The following DRC11 variants were observed in gnomAD, a reference collection of about 807,000 sequenced individuals.
The protein encoded by DRC11 is dynein regulatory complex subunit 11.
At chr2:236,399,423 G>A in the DRC11 span, 1,782 of 1,613,708 alleles carry the variant, frequency 1.1e-3, 14 homozygotes, top group African/African-American at 0.02. The surrounding 1 kb of genome is among the most constrained non-coding windows in gnomAD (Gnocchi z 7.0). Context: ...CTTTGTATGC[G>A]TTACATCCTT....
chr2:236,449,459 G>A, the DRC11 span, among the ~76,000 whole-genome samples: 10 of 152,200 alleles, frequency 6.6e-5, no homozygotes, highest in South Asian at 2.1e-4. The surrounding 1 kb of genome is among the most constrained non-coding windows in gnomAD (Gnocchi z 5.1). Flanking sequence ...GACTCAGGCC[G>A]TGTTGCTGCC....
At chr2:236,458,719 T>G in the DRC11 span, among the ~76,000 whole-genome samples, 4 of 152,030 alleles carry the variant, frequency 2.6e-5, no homozygotes, top group East Asian at 7.7e-4. Flanking sequence ...GTTGCTTTCT[T>G]TCTCTCTCTT....
chr2:236,428,617 T>C, the DRC11 span, among the ~76,000 whole-genome samples: 1 of 152,180 alleles, frequency 6.6e-6, no homozygotes, highest in Non-Finnish European at 1.5e-5. Context: ...CTTCATTCTA[T>C]ATGTGTCCTT....
the DRC11 span, among the ~76,000 whole-genome samples, chr2:236,399,856 C>G: frequency 6.6e-6 from 1 of 152,140 alleles, no homozygotes; most frequent in Admixed American, 6.5e-5. This position sits in a 1 kb window ranked among gnomAD's most constrained non-coding sequence, Gnocchi z 7.0. Context: ...GCTGGGACTG[C>G]AGGTGTGCAC....
chr2:236,458,811 C>T, the DRC11 span, among the ~76,000 whole-genome samples: 8 of 152,020 alleles, frequency 5.3e-5, no homozygotes, highest in African/African-American at 1.4e-4. Context: ...TTTGGGAGGC[C>T]GAGGCAGATG....
the DRC11 span, among the ~76,000 whole-genome samples, chr2:236,316,715 T>C: frequency 6.6e-6 from 1 of 152,096 alleles, no homozygotes; most frequent in Non-Finnish European, 1.5e-5. This position sits in a 1 kb window ranked among gnomAD's most constrained non-coding sequence, Gnocchi z 6.8. Flanking sequence ...ATTAAAACCA[T>C]TGTGAGATAC....
chr2:236,384,114 A>G, the DRC11 span, among the ~76,000 whole-genome samples: 365 of 151,518 alleles, frequency 2.4e-3, 3 homozygotes, highest in African/African-American at 8.4e-3. Context: ...GAATAATGCC[A>G]CAATAAACAT....
At chr2:236,416,725 A>ATATATATATATATATATATTTT in the DRC11 span, among the ~76,000 whole-genome samples, 2 of 16,004 alleles carry the variant, frequency 1.2e-4, no homozygotes, top group Non-Finnish European at 2.4e-4. Flanking sequence ...ATATATTTAT[A>ATATATATATATATATATATTTT]TATATATATA....
the DRC11 span, among the ~76,000 whole-genome samples, chr2:236,357,539 TTTA>T: frequency 7.8e-6 from 1 of 127,454 alleles, no homozygotes; most frequent in Non-Finnish European, 1.5e-5. Flanking sequence ...ATGAATATAA[TTTA>T]TATATTATTA....
the DRC11 span, among the ~76,000 whole-genome samples, chr2:236,343,377 G>C: frequency 6.6e-6 from 1 of 152,224 alleles, no homozygotes; most frequent in Non-Finnish European, 1.5e-5. This position sits in a 1 kb window ranked among gnomAD's most constrained non-coding sequence, Gnocchi z 6.6. Flanking sequence ...AATGCAGGGG[G>C]CTGCATGAAC....
At chr2:236,474,650 T>C in the DRC11 span, among the ~76,000 whole-genome samples, 1 of 152,162 alleles carries the variant, frequency 6.6e-6, no homozygotes, top group Admixed American at 6.5e-5. Flanking sequence ...TAACAATTGT[T>C]TTTATCATTA....
the DRC11 span, among the ~76,000 whole-genome samples, chr2:236,473,584 T>C: frequency 6.6e-6 from 1 of 152,162 alleles, no homozygotes; most frequent in East Asian, 1.9e-4. The surrounding 1 kb of genome is among the most constrained non-coding windows in gnomAD (Gnocchi z 4.8). Context: ...TAACATAAAA[T>C]ATATGATGGT....
the DRC11 span, among the ~76,000 whole-genome samples, chr2:236,439,999 T>A: frequency 6.6e-6 from 1 of 152,224 alleles, no homozygotes; most frequent in Non-Finnish European, 1.5e-5. Flanking sequence ...CCTCAGAAGG[T>A]TTATAATCTC....
the DRC11 span, chr2:236,338,405 G>C: frequency 3.3e-6 from 5 of 1,522,666 alleles, no homozygotes; most frequent in Admixed American, 5.7e-5. Flanking sequence ...AAAAAAAATT[G>C]GTCCACATAT....
At chr2:236,395,007 T>C in the DRC11 span, among the ~76,000 whole-genome samples, 1 of 152,178 alleles carries the variant, frequency 6.6e-6, no homozygotes, top group African/African-American at 2.4e-5. Context: ...AATGTGGGCT[T>C]ACAAACAGAC....
At chr2:236,444,606 C>T in the DRC11 span, among the ~76,000 whole-genome samples, 1 of 152,182 alleles carries the variant, frequency 6.6e-6, no homozygotes, top group Non-Finnish European at 1.5e-5. Context: ...GAGCTCACTC[C>T]CCCAAGGTAG....
the DRC11 span, among the ~76,000 whole-genome samples, chr2:236,376,016 A>C: frequency 4.6e-5 from 7 of 152,330 alleles, no homozygotes; most frequent in Middle Eastern, 3.4e-3. The surrounding 1 kb of genome is among the most constrained non-coding windows in gnomAD (Gnocchi z 5.7). Context: ...TTATAAAGGG[A>C]AAGATGATGC....
the DRC11 span, among the ~76,000 whole-genome samples, chr2:236,422,917 T>A: frequency 6.6e-6 from 1 of 152,030 alleles, no homozygotes; most frequent in Non-Finnish European, 1.5e-5. Context: ...AACTATCTGA[T>A]CTTTGACAAA....
chr2:236,432,605 T>C, the DRC11 span, among the ~76,000 whole-genome samples: 1 of 152,220 alleles, frequency 6.6e-6, no homozygotes, highest in Non-Finnish European at 1.5e-5. Flanking sequence ...TGTATTGGGT[T>C]ATTATTCTTT....
Sources: gnomAD v4.1 joint callset for allele counts (sites outside exome capture counted in the v4.1 genomes callset) on GRCh38, gnomAD v4.1.1 for gene constraint, Gnocchi (gnomAD v3.1) non-coding constraint, MANE v1.5 for transcripts, NCBI Gene and HGNC (gene_info 2026-07-23, HGNC 2026-07-21) for gene names.